The following TAFA2 variants were observed in gnomAD, a reference collection of about 807,000 sequenced individuals.
TAFA2 encodes the protein TAFA chemokine like family member 2.
A neutral mutation model predicts 18.8 loss-of-function variants in TAFA2; 7 were observed. The ratio of observed to expected loss-of-function variants is 0.37; its 90% confidence interval spans 0.21 to 0.70. TAFA2 has a LOEUF of 0.70. Among genes scored for constraint, TAFA2 ranks in the 30% least tolerant of loss-of-function variants. TAFA2 has a pLI of 0.53. For missense variants in TAFA2, 122 were observed against 158.1 expected (o/e 0.77, Z 1.23); for synonymous variants, 60 against 54.2 (o/e 1.11, Z -0.47).
chr12:61,926,811 G>A (rs143738075), intron 1 of TAFA2, among the ~76,000 whole-genome samples: 54 of 152,146 alleles, frequency 3.5e-4, no homozygotes, highest in Non-Finnish European at 7.2e-4. Flanking sequence ...AGTGGTTCAC[G>A]CCTGTAATCC....
At chr12:61,915,703 T>G (rs1876793859) in intron 1 of TAFA2, among the ~76,000 whole-genome samples, 1 of 152,134 alleles carries the variant, frequency 6.6e-6, no homozygotes, top group Non-Finnish European at 1.5e-5. Context: ...AGTCCCAGAC[T>G]CCGAAAGCCT....
intron 2 of TAFA2, among the ~76,000 whole-genome samples, chr12:61,842,054 C>T (rs566036754): frequency 6.6e-5 from 10 of 151,736 alleles, no homozygotes; most frequent in African/African-American, 1.2e-4. Context: ...AAGAAAAATA[C>T]GAGGGGATTC....
intron 1 of TAFA2, among the ~76,000 whole-genome samples, chr12:62,079,498 C>CCAAA (rs1868287462): frequency 9.1e-6 from 1 of 109,344 alleles, no homozygotes; most frequent in Non-Finnish European, 2.0e-5. Context: ...ACTAAAAATA[C>CCAAA]AAAAAAAAAA....
intron 1 of TAFA2, among the ~76,000 whole-genome samples, chr12:62,016,791 GTAA>G (rs61136799): frequency 0.41 from 62,062 of 151,962 alleles, 13,258 homozygotes; most frequent in Non-Finnish European, 0.46. Flanking sequence ...CAGGGTACCA[GTAA>G]GTACCTGGTA....
At chr12:61,904,179 G>C (rs1333668976) in intron 1 of TAFA2, among the ~76,000 whole-genome samples, 1 of 151,970 alleles carries the variant, frequency 6.6e-6, no homozygotes, top group Non-Finnish European at 1.5e-5. Flanking sequence ...GCTAGTGGTG[G>C]TGTTCTAAAA....
chr12:61,836,890 C>A (rs895052915), intron 2 of TAFA2, among the ~76,000 whole-genome samples: 50 of 150,742 alleles, frequency 3.3e-4, no homozygotes, highest in African/African-American at 1.2e-3. Flanking sequence ...GACCTTTATT[C>A]CTTATTGATT....
chr12:61,965,517 TA>T (rs1447888024), intron 1 of TAFA2, among the ~76,000 whole-genome samples: 1 of 151,920 alleles, frequency 6.6e-6, no homozygotes, highest in Non-Finnish European at 1.5e-5. Context: ...TGGGAGAAGG[TA>T]ACTGGCAAGA....
intron 2 of TAFA2, among the ~76,000 whole-genome samples, chr12:61,808,915 TATCTATTAC>T (rs1871743468): frequency 6.6e-6 from 1 of 151,626 alleles, no homozygotes; most frequent in Non-Finnish European, 1.5e-5. Context: ...TTAAATGTAT[TATCTATTAC>T]ATCTATTACA....
chr12:62,152,185 ATTT>A (rs2062333242), intron 1 of TAFA2, among the ~76,000 whole-genome samples: 1 of 152,222 alleles, frequency 6.6e-6, no homozygotes, highest in Non-Finnish European at 1.5e-5. Flanking sequence ...ATTAGAGAGC[ATTT>A]TTTAATTACA....
intron 2 of TAFA2, among the ~76,000 whole-genome samples, chr12:61,839,497 A>G (rs775849212): frequency 3.0e-4 from 45 of 152,096 alleles, no homozygotes; most frequent in Non-Finnish European, 6.2e-4. Flanking sequence ...CAGGGAATCA[A>G]TCTAGGTGCC....
chr12:62,116,420 C>A (rs17125897), intron 1 of TAFA2, among the ~76,000 whole-genome samples: 1 of 152,146 alleles, frequency 6.6e-6, no homozygotes, highest in African/African-American at 2.4e-5. Context: ...ACAGGTGTTC[C>A]ATTGCCATTA....
chr12:61,872,162 A>T (rs1464886314), intron 1 of TAFA2, among the ~76,000 whole-genome samples: 2 of 152,126 alleles, frequency 1.3e-5, no homozygotes, highest in African/African-American at 4.8e-5. Flanking sequence ...ATAAACAAAA[A>T]CCTGGAAGGA....
intron 2 of TAFA2, among the ~76,000 whole-genome samples, chr12:61,763,854 A>C (rs890548665): frequency 6.6e-6 from 1 of 151,942 alleles, no homozygotes. Context: ...GCCCTTCTGC[A>C]GATTTTCCTG....
chr12:62,218,382 G>C (rs1191787833), intron 1 of TAFA2, among the ~76,000 whole-genome samples: 1 of 152,148 alleles, frequency 6.6e-6, no homozygotes, highest in East Asian at 1.9e-4. Context: ...CGTGTCTGAT[G>C]AACACATCCC....
intron 2 of TAFA2, among the ~76,000 whole-genome samples, chr12:61,861,696 T>G (rs2359981): frequency 0.28 from 42,801 of 152,008 alleles, 6,555 homozygotes; most frequent in South Asian, 0.39. Context: ...TCCAGAAAAA[T>G]TTATGGCTAT....
At chr12:61,864,318 A>G (rs911911925) in intron 2 of TAFA2, among the ~76,000 whole-genome samples, 4 of 150,904 alleles carry the variant, frequency 2.7e-5, no homozygotes, top group Admixed American at 1.3e-4. Context: ...AAATAGGATC[A>G]TCAGATAGAA....
chr12:62,207,471 AACAC>A (rs57677645), intron 1 of TAFA2, among the ~76,000 whole-genome samples: 5 of 149,544 alleles, frequency 3.3e-5, no homozygotes, highest in South Asian at 2.1e-4. Flanking sequence ...TTCACACACA[AACAC>A]ACACACACAC....
intron 1 of TAFA2, among the ~76,000 whole-genome samples, chr12:62,085,184 T>C (rs1223277504): frequency 6.6e-6 from 1 of 152,152 alleles, no homozygotes; most frequent in Non-Finnish European, 1.5e-5. Flanking sequence ...TCAGGCTAAA[T>C]ATAGAAACTA....
chr12:61,909,807 T>C (rs1001308326), intron 1 of TAFA2, among the ~76,000 whole-genome samples: 2 of 152,056 alleles, frequency 1.3e-5, no homozygotes, highest in Admixed American at 6.6e-5. Context: ...TTTAGTAGGG[T>C]TTTAAAGAGA....
Sources: allele counts gnomAD v4.1 joint callset (sites outside exome capture counted in the v4.1 genomes callset), GRCh38; gene constraint gnomAD v4.1.1; transcripts MANE v1.5; gene names NCBI Gene and HGNC (gene_info 2026-07-23, HGNC 2026-07-21).